The following GPC5 variants were observed in gnomAD, a reference collection of about 807,000 sequenced individuals.
GPC5 encodes the protein glypican 5, also known as glypican-5.
Under a neutral mutation model 53.9 loss-of-function variants are expected in GPC5, and 47 were observed. That is an observed-to-expected ratio of 0.87 (90% CI 0.69 to 1.11). GPC5 has a LOEUF of 1.11. Ranked by LOEUF, GPC5 falls within the 50% of genes most tolerant of loss-of-function variation. The pLI, the probability that GPC5 is intolerant of heterozygous loss-of-function variation, is 0.00. For missense variants in GPC5, 748 were observed against 713.1 expected (o/e 1.05, Z -0.56); for synonymous variants, 286 against 263.3 (o/e 1.09, Z -0.84).
intron 2 of GPC5, among the ~76,000 whole-genome samples, chr13:91,466,952 T>G (rs937898488): frequency 1.3e-5 from 2 of 152,194 alleles, no homozygotes; most frequent in African/African-American, 4.8e-5. Flanking sequence ...TGTACCATTT[T>G]CAGGCAGTCC....
chr13:91,793,199 T>C (rs111271942), intron 5 of GPC5, among the ~76,000 whole-genome samples: 4,523 of 152,262 alleles, frequency 0.03, 97 homozygotes, highest in Non-Finnish European at 0.041. Flanking sequence ...CACATTCTTC[T>C]TCACATGGTG....
chr13:91,728,731 G>A, intron 4 of GPC5, 66 bp downstream of exon 4: 3 of 1,419,536 alleles, frequency 2.1e-6, no homozygotes, highest in Non-Finnish European at 9.4e-7. Context: ...CAACAGAATA[G>A]AACATATTCA....
At chr13:91,856,318 A>C (rs898505006) in intron 5 of GPC5, among the ~76,000 whole-genome samples, 1 of 151,560 alleles carries the variant, frequency 6.6e-6, no homozygotes, top group Non-Finnish European at 1.5e-5. Context: ...TGGGCATTCA[A>C]CTGATCTTGT....
In GPC5 at chr13:91,588,479, A is replaced by G. The variant is rs896926376; in HGVS notation, c.326-104708A>G. Among the ~76,000 whole-genome samples the G allele has an allele frequency of 7.9e-5, 12 of 152,128 alleles. 1 individual carries two copies. The highest frequency in any genetic ancestry group is 3.3e-4 in the Admixed American group (5 of 15,262). ...AATGATAGTGCCACTTTTATGAGAG[A>G]GTTGGAGGATTAGAGGAGATAATCC... is the stretch of plus-strand genomic sequence containing the variant. On this transcript the variant is annotated intron_variant, in intron 2 of 7. Transcript: ENST00000377067.
At chr13:91,745,734 A>G (rs1288179197) in intron 4 of GPC5, among the ~76,000 whole-genome samples, 1 of 152,136 alleles carries the variant, frequency 6.6e-6, no homozygotes, top group African/African-American at 2.4e-5. Flanking sequence ...TCTTTTGGAA[A>G]AAAAATTTTT....
At chr13:91,953,552 A>G (rs554959943) in intron 6 of GPC5, among the ~76,000 whole-genome samples, 2 of 152,348 alleles carry the variant, frequency 1.3e-5, no homozygotes, top group South Asian at 4.1e-4. Context: ...AAAAAAGGGT[A>G]CATTGCTAAT....
intron 7 of GPC5, among the ~76,000 whole-genome samples, chr13:92,432,634 C>T (rs557060124): frequency 9.1e-4 from 139 of 151,924 alleles, no homozygotes; most frequent in Middle Eastern, 6.8e-3. Flanking sequence ...CTCCGCCTCC[C>T]AAAATGCTGG....
intron 5 of GPC5, among the ~76,000 whole-genome samples, chr13:91,897,130 T>G (rs2138979323): frequency 6.6e-6 from 1 of 152,226 alleles, no homozygotes; most frequent in Middle Eastern, 3.4e-3. Context: ...AATGGAACTG[T>G]TGGACAGGAC....
chr13:92,474,559 A>G (rs1435110084), intron 7 of GPC5, among the ~76,000 whole-genome samples: 1 of 151,922 alleles, frequency 6.6e-6, no homozygotes, highest in Non-Finnish European at 1.5e-5. Context: ...GCAGTACTTC[A>G]TACCAAATGG....
intron 6 of GPC5, among the ~76,000 whole-genome samples, chr13:91,932,618 A>C (rs2039832192): frequency 6.6e-6 from 1 of 151,978 alleles, no homozygotes; most frequent in Non-Finnish European, 1.5e-5. Flanking sequence ...AACATTTTAA[A>C]GTCTGTTCTG....
chr13:92,128,767 A>T (rs1006845929), intron 6 of GPC5, among the ~76,000 whole-genome samples: 3 of 152,166 alleles, frequency 2.0e-5, no homozygotes, highest in Non-Finnish European at 2.9e-5. Context: ...GATCGAGACT[A>T]TCCTGGCCAA....
At chr13:92,263,144 GAAT>G (rs1169284861) in intron 7 of GPC5, among the ~76,000 whole-genome samples, 5 of 151,768 alleles carry the variant, frequency 3.3e-5, no homozygotes, top group East Asian at 1.9e-4. Context: ...CTAAATTATA[GAAT>G]AATAATGTTA....
At chr13:91,923,333 C>A (rs2039735116) in intron 6 of GPC5, among the ~76,000 whole-genome samples, 1 of 152,116 alleles carries the variant, frequency 6.6e-6, no homozygotes, top group African/African-American at 2.4e-5. Context: ...CAGAGCAATT[C>A]CTGGATATAT....
rs750143620 is a variant in GPC5, at chr13:91,713,193, A to G, written c.1021-15339A>G. 4.3e-4 allele frequency among the ~76,000 whole-genome samples: 65 copies of G among 151,884 alleles called. 1 individual carries two copies. The highest frequency in any genetic ancestry group is 1.9e-3 in the South Asian group (9 of 4,796). On this transcript the variant is annotated intron_variant, in intron 3 of 7. Transcript: ENST00000377067. ...GTGATAGAGAGAGACTCTGTCATAA[A>G]TAAATAAGTAAATAAATAAATAAAT...
intron 7 of GPC5, among the ~76,000 whole-genome samples, chr13:92,347,874 A>T (rs5018483): frequency 0.011 from 76 of 6,634 alleles, 6 homozygotes; most frequent in African/African-American, 0.032. Context: ...TTATATATAT[A>T]ATATATATTA....
intron 2 of GPC5, among the ~76,000 whole-genome samples, chr13:91,646,583 G>A (rs61966947): frequency 6.6e-6 from 1 of 151,946 alleles, no homozygotes. Context: ...TAACATAATG[G>A]TTTAATGGCT....
chr13:92,328,440 TC>T (rs1034708717), intron 7 of GPC5, among the ~76,000 whole-genome samples: 1 of 152,096 alleles, frequency 6.6e-6, no homozygotes, highest in Non-Finnish European at 1.5e-5. Flanking sequence ...TGAATTTTAG[TC>T]CCAAGTAAAC....
intron 7 of GPC5, among the ~76,000 whole-genome samples, chr13:92,663,854 CACTATATATATATATATATATATA>C (rs1886461803): frequency 2.7e-5 from 2 of 75,316 alleles, no homozygotes; most frequent in South Asian, 6.8e-4. Flanking sequence ...TACACACACA[CACTATATATATATATATATATATA>C]TATATATATA....
At chr13:92,769,936 T>C (rs927890384) in intron 7 of GPC5, among the ~76,000 whole-genome samples, 1 of 152,250 alleles carries the variant, frequency 6.6e-6, no homozygotes, top group Non-Finnish European at 1.5e-5. Context: ...AACTCCTTTG[T>C]GCTTTCACAT....
Sources: allele counts gnomAD v4.1 joint callset (sites outside exome capture counted in the v4.1 genomes callset), GRCh38; gene constraint gnomAD v4.1.1; transcripts MANE v1.5; gene names NCBI Gene and HGNC (gene_info 2026-07-23, HGNC 2026-07-21).